The following FBXW8 variants were observed in gnomAD, a reference collection of about 807,000 sequenced individuals.
FBXW8 encodes the protein F-box/WD repeat-containing protein 8.
Under a neutral mutation model 65.3 loss-of-function variants are expected in FBXW8, and 57 were observed. The ratio of observed to expected loss-of-function variants is 0.87; its 90% CI spans 0.71 to 1.09. The LOEUF (loss-of-function observed/expected upper bound fraction) is 1.09, where lower values mean the gene tolerates loss of function less well. Ranked by LOEUF, FBXW8 falls within the 50% of genes least tolerant of loss-of-function variation. FBXW8 has a pLI of 0.00. For missense variants in FBXW8, 777 were observed against 814.8 expected, an observed-to-expected ratio of 0.95 and a Z score of 0.57; for synonymous variants, 308 against 330.2, an observed-to-expected ratio of 0.93 and a Z score of 0.73.
intron 1 of FBXW8, among the ~76,000 whole-genome samples, chr12:116,917,730 T>C (rs942106559): frequency 6.6e-6 from 1 of 152,154 alleles, no homozygotes; most frequent in Non-Finnish European, 1.5e-5. Context: ...TGGTGGCTTA[T>C]GCCTGTAATC....
At chr12:116,933,592 TTTG>T (rs746200038) in intron 2 of FBXW8, among the ~76,000 whole-genome samples, 2 of 152,194 alleles carry the variant, frequency 1.3e-5, no homozygotes, top group Non-Finnish European at 2.9e-5. Flanking sequence ...GATTTGGCTT[TTTG>T]TTGTTGTTGT....
At chr12:116,998,965 T>C (rs1259191719) in intron 7 of FBXW8, among the ~76,000 whole-genome samples, 1 of 152,246 alleles carries the variant, frequency 6.6e-6, no homozygotes, top group Admixed American at 6.5e-5. Context: ...ATTCAGTACA[T>C]AGATGACTAT....
At chr12:116,969,506 G>A (rs1884526737) in intron 5 of FBXW8, among the ~76,000 whole-genome samples, 2 of 152,158 alleles carry the variant, frequency 1.3e-5, no homozygotes, top group South Asian at 4.1e-4. Flanking sequence ...TTTTTATATT[G>A]CTTCTTTCCA....
chr12:116,947,330 G>A (rs1882997466), intron 3 of FBXW8, among the ~76,000 whole-genome samples: 1 of 152,128 alleles, frequency 6.6e-6, no homozygotes, highest in Non-Finnish European at 1.5e-5. Context: ...GAGCGTGTAA[G>A]GTCCATTTCC....
At chr12:116,933,708 G>C (rs1881949615) in intron 2 of FBXW8, among the ~76,000 whole-genome samples, 1 of 152,202 alleles carries the variant, frequency 6.6e-6, no homozygotes, top group Non-Finnish European at 1.5e-5. Context: ...GAAGTCAGGA[G>C]TTTTATGGAG....
chr12:116,939,587 G>T (rs1302525098), intron 2 of FBXW8, among the ~76,000 whole-genome samples: 1 of 152,122 alleles, frequency 6.6e-6, no homozygotes, highest in Non-Finnish European at 1.5e-5. Context: ...GATTACTCTT[G>T]AGTCTTTTTT....
intron 1 of FBXW8, among the ~76,000 whole-genome samples, chr12:116,924,395 A>G (rs1363598914): frequency 1.3e-5 from 2 of 152,244 alleles, no homozygotes; most frequent in Non-Finnish European, 2.9e-5. Flanking sequence ...TAATGTATCC[A>G]TCACCTAAAA....
intron 5 of FBXW8, among the ~76,000 whole-genome samples, chr12:116,983,057 A>C (rs889048593): frequency 3.3e-5 from 5 of 152,264 alleles, no homozygotes; most frequent in Non-Finnish European, 7.4e-5. Context: ...TGCGCCTCCC[A>C]AGATGGAAGT....
intron 1 of FBXW8, among the ~76,000 whole-genome samples, chr12:116,918,000 A>AC (rs1205898152): frequency 6.6e-6 from 1 of 151,302 alleles, no homozygotes; most frequent in East Asian, 1.9e-4. Flanking sequence ...TCAAAAAAAA[A>AC]AAAACAAAAA....
At chr12:117,027,698 G>A (rs895340083) in intron 10 of FBXW8, among the ~76,000 whole-genome samples, 194 bp downstream of exon 10, 1 of 152,162 alleles carries the variant, frequency 6.6e-6, no homozygotes, top group Non-Finnish European at 1.5e-5. Flanking sequence ...GGACAGCCCC[G>A]TGGGGCGAGT....
intron 1 of FBXW8, among the ~76,000 whole-genome samples, chr12:116,915,067 A>G (rs1880297074): frequency 6.6e-6 from 1 of 152,206 alleles, no homozygotes; most frequent in Non-Finnish European, 1.5e-5. Flanking sequence ...GCATTAGGAA[A>G]GTAACTGATT....
intron 7 of FBXW8, among the ~76,000 whole-genome samples, chr12:117,001,310 C>G (rs1953514902): frequency 6.6e-6 from 1 of 152,170 alleles, no homozygotes; most frequent in African/African-American, 2.4e-5. Context: ...CAGTCTCCCC[C>G]TGGGGCTATT....
intron 8 of FBXW8, among the ~76,000 whole-genome samples, chr12:117,020,378 A>C (rs1954065940): frequency 6.6e-6 from 1 of 152,118 alleles, no homozygotes; most frequent in South Asian, 2.1e-4. Flanking sequence ...ATTCGTGTGC[A>C]TTGAGTCGGC....
intron 7 of FBXW8, chr12:117,002,877 C>T (rs192495874): frequency 1.6e-4 from 25 of 152,256 alleles, no homozygotes; most frequent in Admixed American, 5.2e-4. Context: ...AGAGACTGTT[C>T]ACCTAGCTTT....
At chr12:117,004,162 G>A (rs1039593922) in intron 7 of FBXW8, among the ~76,000 whole-genome samples, 4 of 151,932 alleles carry the variant, frequency 2.6e-5, no homozygotes, top group African/African-American at 7.3e-5. Flanking sequence ...TTTCTCTCTC[G>A]GACTTATTTC....
chr12:116,917,650 C>G, intron 1 of FBXW8, among the ~76,000 whole-genome samples: 1 of 152,196 alleles, frequency 6.6e-6, no homozygotes, highest in East Asian at 1.9e-4. Flanking sequence ...GGAGTGTCAT[C>G]TGGCTGGTAT....
At chr12:116,996,424 T>C (rs1258227857) in intron 7 of FBXW8, among the ~76,000 whole-genome samples, 1 of 152,026 alleles carries the variant, frequency 6.6e-6, no homozygotes, top group Non-Finnish European at 1.5e-5. Flanking sequence ...AGAAATGCAG[T>C]GCGCATAGAT....
At chr12:116,989,696 G>T (rs1240049104) in intron 7 of FBXW8, among the ~76,000 whole-genome samples, 1 of 152,190 alleles carries the variant, frequency 6.6e-6, no homozygotes, top group East Asian at 1.9e-4. Flanking sequence ...GGGAGAGAGA[G>T]AAAGTTTTTG....
In FBXW8 at chr12:116,993,902, A is replaced by G. The variant is rs376682481; in HGVS notation, c.1239+5033A>G. Among the ~76,000 whole-genome samples, 112 of 152,244 alleles carry G rather than the reference A, an allele frequency of 7.4e-4. 2 individuals are homozygous for G. The South Asian group carries it at 0.021, about 29-fold the overall frequency. ...TAGATTTAAGTCTTGGTTAATTTTT[A>G]TATATGGTGAGAGAAAGGGATCCAG... is the stretch of plus-strand genomic sequence containing the variant. On this transcript the variant is annotated intron_variant, in intron 7 of 10. Transcript: ENST00000652555.
Sources: gnomAD v4.1 joint callset for allele counts (sites outside exome capture counted in the v4.1 genomes callset) on GRCh38, gnomAD v4.1.1 for gene constraint, MANE v1.5 for transcripts, NCBI Gene and HGNC (gene_info 2026-07-23, HGNC 2026-07-21) for gene names.